Variants in SHTN1 observed in about 807,000 individuals in gnomAD.
SHTN1 encodes the protein shootin-1.
Under a neutral mutation model 83.1 loss-of-function variants are expected in SHTN1, and 42 were observed. The ratio of observed to expected loss-of-function variants is 0.51; its 90% CI spans 0.39 to 0.65. The LOEUF is 0.65. Ranked by LOEUF, SHTN1 falls within the 30% of genes least tolerant of loss-of-function variation. SHTN1 has a pLI of 0.00. For missense variants in SHTN1, 622 were observed against 737.8 expected, an observed-to-expected ratio of 0.84 and a Z score of 1.82; for synonymous variants, 224 against 247.7, an observed-to-expected ratio of 0.90 and a Z score of 0.90.
chr10:116,923,299 T>C (rs1316625879), intron 11 of SHTN1, among the ~76,000 whole-genome samples: 1 of 152,346 alleles, frequency 6.6e-6, no homozygotes, highest in African/African-American at 2.4e-5. Context: ...TGTGTACATA[T>C]CTGCATATAG....
Position 116,881,637 on chromosome 10 carries a change from G to GA in SHTN1, c.*4706dup, listed in dbSNP as rs1451989832. ...CACCTTCCCCACACAAGGTGTAGAG[G>GA]AATCAGCCGAAACAGGAGCATCCTC... is the stretch of plus-strand genomic sequence containing the variant. On this transcript the variant is annotated 3_prime_UTR_variant, in exon 17 of 17. Transcript: ENST00000355371. 6 of 1,548,654 alleles carry GA rather than the reference G, an allele frequency of 3.9e-6. No homozygotes were observed. Among genetic ancestry groups the GA allele is most frequent in the Non-Finnish European group, 5.2e-6 (6 of 1,146,098 alleles).
intron 1 of SHTN1, among the ~76,000 whole-genome samples, chr10:117,078,895 G>C (rs1853206312): frequency 6.6e-6 from 1 of 152,118 alleles, no homozygotes; most frequent in African/African-American, 2.4e-5. Context: ...TGTGGGCAGA[G>C]TTGTTTATAA....
chr10:116,965,461 G>A (rs977528669), intron 3 of SHTN1, among the ~76,000 whole-genome samples: 2 of 152,152 alleles, frequency 1.3e-5, no homozygotes, highest in Non-Finnish European at 2.9e-5. Context: ...AGGTCGCAGC[G>A]AGCAGAGATC....
chr10:116,911,499 C>G, intron 14 of SHTN1: 1 of 1,550,414 alleles, frequency 6.4e-7, no homozygotes, highest in Non-Finnish European at 8.7e-7. Context: ...ATATGGCCAG[C>G]CACTTCATCT....
intron 1 of SHTN1, among the ~76,000 whole-genome samples, chr10:117,111,811 T>G (rs988544681): frequency 2.0e-5 from 3 of 152,086 alleles, no homozygotes; most frequent in Admixed American, 2.0e-4. Context: ...TTGGTCCAAA[T>G]GAGAGAGTTT....
chr10:116,952,155 A>G, intron 5 of SHTN1, 149 bp from the exon 6 acceptor site: 2 of 411,192 alleles, frequency 4.9e-6, no homozygotes, highest in South Asian at 9.7e-5. Context: ...CCAAAGGACA[A>G]TGAGAATCTC....
intron 3 of SHTN1, among the ~76,000 whole-genome samples, chr10:116,963,035 G>GTTTTTTTTTT (rs71013628): frequency 2.2e-5 from 1 of 45,262 alleles, no homozygotes; most frequent in Non-Finnish European, 4.4e-5. Context: ...AATAATAAAA[G>GTTTTTTTTTT]TTTTTTTTTT....
chr10:116,900,503 A>C lies in SHTN1; in HGVS notation c.1673+1262T>G, dbSNP rs1156452613. ...TTTTGGAGAACAAAAGGCAGACAAA[A>C]GGAGGAAGGAGTTGCAGTATTTTCT... On this transcript the variant is annotated intron_variant, in intron 16 of 16. Coordinates refer to ENST00000355371, the MANE Select transcript of SHTN1 (RefSeq NM_001127211.3). The C allele has an allele frequency of 1.7e-5, 25 of 1,491,592 alleles. No individual in the cohort carries two copies. The South Asian group carries it at 1.7e-4, about 10-fold the overall frequency. The allele number at this position is 1,491,592 out of a possible 1,614,324, so 92.4% of individuals were successfully genotyped here.
chr10:117,111,292 C>A (rs1853764729), intron 1 of SHTN1, among the ~76,000 whole-genome samples: 1 of 150,258 alleles, frequency 6.7e-6, no homozygotes. Flanking sequence ...ATGTGCATTT[C>A]TTTCTTTCTT....
intron 1 of SHTN1, among the ~76,000 whole-genome samples, chr10:116,994,538 G>A (rs1851561278): frequency 6.6e-6 from 1 of 151,964 alleles, no homozygotes; most frequent in Non-Finnish European, 1.5e-5. Flanking sequence ...GGAAGGGGAA[G>A]GGGAGATTCT....
intron 15 of SHTN1, among the ~76,000 whole-genome samples, chr10:116,904,197 A>C (rs540233419): frequency 7.9e-5 from 12 of 152,186 alleles, no homozygotes; most frequent in Non-Finnish European, 1.6e-4. Flanking sequence ...CAAGTACCTG[A>C]GACACCAACC....
At chr10:117,115,276 T>C (rs1378830464) in intron 1 of SHTN1, among the ~76,000 whole-genome samples, 1 of 152,170 alleles carries the variant, frequency 6.6e-6, no homozygotes, top group Non-Finnish European at 1.5e-5. Flanking sequence ...CTCTTACCTT[T>C]GAGCCTCACT....
At chr10:117,047,265 C>T (rs969867016) in intron 2 of SHTN1, among the ~76,000 whole-genome samples, 1 of 152,090 alleles carries the variant, frequency 6.6e-6, no homozygotes, top group Non-Finnish European at 1.5e-5. Flanking sequence ...TGAGGTTTCA[C>T]CATCTTGGCC....
Position 116,965,511 on chromosome 10 carries a change from C to T in SHTN1, c.172+3141G>A, listed in dbSNP as rs986514417. Among the ~76,000 whole-genome samples the T allele has an allele frequency of 5.9e-5, 9 of 152,250 alleles. No homozygotes were observed. The South Asian group carries it at 6.2e-4, about 11-fold the overall frequency. On this transcript the variant is annotated intron_variant, in intron 3 of 16. Coordinates refer to ENST00000355371, the MANE Select transcript of SHTN1 (RefSeq NM_001127211.3). The stretch of plus-strand genomic sequence containing the variant: ...CAGTCTGGGCAACAGAATGAGACTC[C>T]GTCTCAAAAAAAGATGTAGGCCTAG...
At chr10:116,899,534 TGTGTGTGTGTGTGAGA>T (rs756388373) in intron 16 of SHTN1, among the ~76,000 whole-genome samples, 141 of 88,182 alleles carry the variant, frequency 1.6e-3, no homozygotes, top group Non-Finnish European at 3.2e-3. Flanking sequence ...TGTGTGTGTG[TGTGTGTGTGTGTGAGA>T]GAGTGCATGC....
At position 117,103,758 on chromosome 10, in the gene SHTN1, G is replaced by C. The variant is rs192273798; in HGVS notation, c.-189+22549C>G. Among the ~76,000 whole-genome samples the C allele has an allele frequency of 8.1e-4, 123 of 151,882 alleles. 2 individuals carry two copies. The highest frequency in any genetic ancestry group is 6.1e-3 in the Admixed American group (93 of 15,254). On this transcript the variant is annotated intron_variant, in intron 1 of 17. Transcript: ENST00000392901. ...TCACTGTGTTAGCCAGGATGGTCTCGATCTCCTGACCTCATGATCCGCCCT... is the reference window on the plus strand; with the variant it reads ...TCACTGTGTTAGCCAGGATGGTCTCCATCTCCTGACCTCATGATCCGCCCT...
intron 15 of SHTN1, among the ~76,000 whole-genome samples, chr10:116,904,177 C>T (rs573654206): frequency 1.3e-5 from 2 of 152,264 alleles, no homozygotes; most frequent in African/African-American, 4.8e-5. Context: ...AGAAAACCAC[C>T]CCAGAGATTC....
At chr10:117,120,136 T>C (rs1429556735) in intron 1 of SHTN1, among the ~76,000 whole-genome samples, 3 of 152,048 alleles carry the variant, frequency 2.0e-5, no homozygotes, top group Non-Finnish European at 4.4e-5. Context: ...AGAGTGACTA[T>C]AGTAAATAAT....
rs1201852917 is a variant in SHTN1, at chr10:116,881,608, T to C, written c.*4736A>G. 2.6e-6 allele frequency: 4 copies of C among 1,550,476 alleles called. No individual in the cohort carries two copies. In the Admixed American group the frequency reaches 5.9e-5, roughly 23 times the overall value. On this transcript the variant is annotated 3_prime_UTR_variant, in exon 17 of 17. Coordinates refer to ENST00000355371, the MANE Select transcript of SHTN1 (RefSeq NM_001127211.3). ...GCTGCTGCGGCTAGGGAGCCGCTGGTGCCCACCTTCCCCACACAAGGTGTA... is the reference window on the plus strand; with the variant it reads ...GCTGCTGCGGCTAGGGAGCCGCTGGCGCCCACCTTCCCCACACAAGGTGTA...
Sources: allele counts gnomAD v4.1 joint callset (sites outside exome capture counted in the v4.1 genomes callset), GRCh38; gene constraint gnomAD v4.1.1; transcripts MANE v1.5; gene names NCBI Gene and HGNC (gene_info 2026-07-23, HGNC 2026-07-21).